The following DCHS2 variants were observed in gnomAD, a reference collection of about 807,000 sequenced individuals.
DCHS2 encodes dachsous cadherin-related 2.
DCHS2 carries 142 observed loss-of-function variants against 182.4 expected under a neutral mutation model. That is an observed-to-expected ratio of 0.78 (90% CI 0.68 to 0.89). The LOEUF is 0.89. Ranked by LOEUF, DCHS2 falls within the 40% of genes least tolerant of loss-of-function variation. The pLI, the probability that DCHS2 is intolerant of heterozygous loss-of-function variation, is 0.00. For synonymous variants in DCHS2, 1,740 were observed against 1,663.3 expected (o/e 1.05, Z -1.12); for missense variants, 4,319 against 4,198.6 (o/e 1.03, Z -0.79).
chr4:154,315,978 G>C lies in DCHS2; in HGVS notation c.5030C>G (p.Thr1677Ser). ...FMLDESSGLL[T>S]TTCPLDYEMK... Reference sequence around the variant, plus strand: ...TTCATAATCCAAAGGACAGGTTGTGGTTAGTAAGCCTGTTTTGAAAATGGA... The same window carrying C: ...TTCATAATCCAAAGGACAGGTTGTGCTTAGTAAGCCTGTTTTGAAAATGGA... The change falls in exon 10 of 20, where the codon ACC becomes AGC. Residue 1677 changes from threonine (T) to serine (S), a missense_variant. Physicochemically the swap from Thr to Ser is moderately conservative, Grantham distance 58. Transcript: ENST00000357232. 1 of 1,613,820 alleles carries C rather than the reference G, an allele frequency of 6.2e-7. No homozygotes were observed. Among genetic ancestry groups the C allele is most frequent in the Non-Finnish European group, 8.5e-7 (1 of 1,179,798 alleles).
intron 13 of DCHS2, among the ~76,000 whole-genome samples, chr4:154,296,911 A>C (rs1163659922): frequency 6.6e-6 from 1 of 152,194 alleles, no homozygotes; most frequent in African/African-American, 2.4e-5. Context: ...GCAGCTATAA[A>C]ATGTTATTAA....
intron 1 of DCHS2, among the ~76,000 whole-genome samples, chr4:154,387,316 A>G (rs956796711): frequency 6.6e-6 from 1 of 152,202 alleles, no homozygotes; most frequent in Admixed American, 6.5e-5. Flanking sequence ...ATAAGGTGTT[A>G]TAAAATAAAC....
intron 10 of DCHS2, among the ~76,000 whole-genome samples, chr4:154,307,675 C>G (rs1041814844): frequency 1.3e-5 from 2 of 152,188 alleles, no homozygotes; most frequent in Non-Finnish European, 2.9e-5. Context: ...CCAACCATCT[C>G]TTTACTCCAT....
At chr4:154,435,249 T>C (rs1293047631) in intron 1 of DCHS2, among the ~76,000 whole-genome samples, 1 of 152,220 alleles carries the variant, frequency 6.6e-6, no homozygotes, top group Admixed American at 6.5e-5. Flanking sequence ...TTTTTAAGAT[T>C]GATCAGCAAA....
chr4:154,468,595 T>C (rs929137557), intron 1 of DCHS2, among the ~76,000 whole-genome samples: 4 of 152,194 alleles, frequency 2.6e-5, no homozygotes, highest in Non-Finnish European at 5.9e-5. Context: ...TATACTAGCA[T>C]CCAGCTAAAT....
At chr4:154,407,503 T>A (rs932902918) in intron 1 of DCHS2, among the ~76,000 whole-genome samples, 7 of 152,194 alleles carry the variant, frequency 4.6e-5, no homozygotes, top group Admixed American at 1.3e-4. Context: ...AACCTTTTCT[T>A]TTTCTTGTGA....
intron 3 of DCHS2, among the ~76,000 whole-genome samples, chr4:154,344,780 T>G (rs759608014): frequency 3.3e-5 from 5 of 152,180 alleles, no homozygotes; most frequent in Admixed American, 3.3e-4. Flanking sequence ...CCTGTGCAGC[T>G]GAGACTCAGG....
chr4:154,375,332 T>C (rs1384914907), intron 2 of DCHS2, among the ~76,000 whole-genome samples: 1 of 152,076 alleles, frequency 6.6e-6, no homozygotes, highest in Non-Finnish European at 1.5e-5. Context: ...TACTAAGCTC[T>C]ATTATAATGA....
intron 1 of DCHS2, among the ~76,000 whole-genome samples, chr4:154,483,639 G>A (rs914310222): frequency 3.9e-5 from 6 of 152,198 alleles, no homozygotes; most frequent in Non-Finnish European, 1.5e-5. Flanking sequence ...CAAATAACGA[G>A]TGCCTTAATG....
chr4:154,305,027 C>T lies in DCHS2; in HGVS notation c.5395+70G>A, dbSNP rs539889017. The T allele has an allele frequency of 3.0e-4, 459 of 1,508,570 alleles. 1 individual carries two copies. The highest frequency in any genetic ancestry group is 9.3e-4 in the Middle Eastern group (5 of 5,358). The allele number at this position is 1,508,570 out of a possible 1,614,324, so 93.4% of individuals were successfully genotyped here. Reference sequence around the variant, plus strand: ...CACCCCAACAAAATATAACATTTCACCACTTAACAGGTTTTTTTTAAATTT... The same window carrying T: ...CACCCCAACAAAATATAACATTTCATCACTTAACAGGTTTTTTTTAAATTT... On this transcript the variant is annotated intron_variant, in intron 11 of 19. Coordinates refer to ENST00000357232, the MANE Select transcript of DCHS2 (RefSeq NM_001358235.2).
At chr4:154,426,150 C>T (rs1446371443) in intron 1 of DCHS2, among the ~76,000 whole-genome samples, 1 of 152,162 alleles carries the variant, frequency 6.6e-6, no homozygotes, top group Non-Finnish European at 1.5e-5. Flanking sequence ...CACTGCCAAC[C>T]CCCACCCCAG....
chr4:154,480,943 T>G (rs749224138), intron 1 of DCHS2, among the ~76,000 whole-genome samples: 14 of 152,308 alleles, frequency 9.2e-5, no homozygotes, highest in Non-Finnish European at 2.1e-4. Context: ...CTAATTATAA[T>G]AATATGTTAA....
At chr4:154,265,071 C>G (rs539669227) in intron 14 of DCHS2, among the ~76,000 whole-genome samples, 1 of 152,018 alleles carries the variant, frequency 6.6e-6, no homozygotes, top group African/African-American at 2.4e-5. Context: ...TAACTTCAGA[C>G]AGGGGAAAGT....
intron 14 of DCHS2, among the ~76,000 whole-genome samples, chr4:154,262,981 G>A (rs1002287978): frequency 2.0e-5 from 3 of 152,170 alleles, no homozygotes; most frequent in Non-Finnish European, 4.4e-5. Context: ...GGTTTGTGAC[G>A]ATGGAACAGA....
At chr4:154,304,219 G>A (rs111281147) in intron 12 of DCHS2, among the ~76,000 whole-genome samples, 3 of 151,750 alleles carry the variant, frequency 2.0e-5, no homozygotes, top group Non-Finnish European at 2.9e-5. Flanking sequence ...AATTAAAACT[G>A]ATCACATGAA....
At chr4:154,329,808 G>T in intron 5 of DCHS2, 98 bp from the exon 6 acceptor site, 1 of 1,109,702 alleles carries the variant, frequency 9.0e-7, no homozygotes, top group Non-Finnish European at 1.3e-6. Context: ...AAAGCTTTGA[G>T]CAAATATGCG....
At chr4:154,428,094 G>A (rs1733405102) in intron 1 of DCHS2, among the ~76,000 whole-genome samples, 1 of 152,132 alleles carries the variant, frequency 6.6e-6, no homozygotes, top group South Asian at 2.1e-4. Flanking sequence ...TCATAGAACT[G>A]GAGCTGAGCT....
intron 1 of DCHS2, among the ~76,000 whole-genome samples, chr4:154,449,439 T>C (rs1734442955): frequency 1.3e-5 from 2 of 152,056 alleles, no homozygotes; most frequent in Non-Finnish European, 2.9e-5. Flanking sequence ...GGCACAATCA[T>C]GGCTCACTGC....
intron 1 of DCHS2, among the ~76,000 whole-genome samples, chr4:154,381,529 G>C (rs910647823): frequency 6.6e-6 from 1 of 152,016 alleles, no homozygotes; most frequent in Admixed American, 6.6e-5. Context: ...TCTATAGCTA[G>C]AGAATTCGTA....
Sources: gnomAD v4.1 joint callset for allele counts (sites outside exome capture counted in the v4.1 genomes callset) on GRCh38, gnomAD v4.1.1 for gene constraint, MANE v1.5 for transcripts, NCBI Gene and HGNC (gene_info 2026-07-23, HGNC 2026-07-21) for gene names.